Variants in CNTNAP2 observed in about 807,000 individuals in gnomAD.
The protein encoded by CNTNAP2 is contactin-associated protein-like 2.
In CNTNAP2, 98 loss-of-function variants were observed where a neutral mutation model predicts 155.2. The observed-to-expected ratio is 0.63, with a 90% CI of 0.54 to 0.75. The LOEUF is 0.75. Ranked by LOEUF, CNTNAP2 falls within the 30% of genes least tolerant of loss-of-function variation. The pLI is 0.00. For synonymous variants in CNTNAP2, 651 were observed against 631.2 expected (o/e 1.03, Z -0.47); for missense variants, 1,727 against 1,688.1 (o/e 1.02, Z -0.40).
intron 9 of CNTNAP2, among the ~76,000 whole-genome samples, chr7:147,317,333 A>T (rs1372575732): frequency 6.6e-6 from 1 of 152,068 alleles, no homozygotes; most frequent in Non-Finnish European, 1.5e-5. Flanking sequence ...TTCTCTTGTG[A>T]TTGCAATACT....
At chr7:146,818,845 A>C (rs1803223462) in intron 2 of CNTNAP2, among the ~76,000 whole-genome samples, 1 of 152,144 alleles carries the variant, frequency 6.6e-6, no homozygotes, top group South Asian at 2.1e-4. Flanking sequence ...TATTCAGTTA[A>C]TAATTTTATT....
chr7:146,623,019 T>C (rs1395768102), intron 1 of CNTNAP2, among the ~76,000 whole-genome samples: 1 of 151,604 alleles, frequency 6.6e-6, no homozygotes, highest in East Asian at 1.9e-4. Flanking sequence ...TTGCCATCAA[T>C]TTAATTACTT....
intron 14 of CNTNAP2, among the ~76,000 whole-genome samples, chr7:147,936,756 C>G (rs955023002): frequency 4.6e-5 from 7 of 152,260 alleles, no homozygotes; most frequent in African/African-American, 1.7e-4. Context: ...ATTAAGCATG[C>G]TTGACACTCA....
At chr7:147,247,872 C>T (rs985670324) in intron 8 of CNTNAP2, among the ~76,000 whole-genome samples, 25 of 151,470 alleles carry the variant, frequency 1.7e-4, no homozygotes, top group African/African-American at 5.3e-4. Context: ...ATTGAGGGCA[C>T]GTTTTATGCT....
chr7:147,867,930 C>G (rs1799261508), intron 13 of CNTNAP2, among the ~76,000 whole-genome samples: 1 of 152,090 alleles, frequency 6.6e-6, no homozygotes, highest in Non-Finnish European at 1.5e-5. Context: ...TATTATCAAC[C>G]TTCTGAAGCC....
intron 4 of CNTNAP2, among the ~76,000 whole-genome samples, chr7:147,092,743 G>T (rs1021554707): frequency 1.3e-5 from 2 of 152,174 alleles, no homozygotes; most frequent in Non-Finnish European, 2.9e-5. Flanking sequence ...AGGAATCTCA[G>T]ATTCTACATA....
intron 1 of CNTNAP2, among the ~76,000 whole-genome samples, chr7:146,465,050 T>C (rs1412438538): frequency 2.0e-5 from 3 of 152,006 alleles, no homozygotes; most frequent in Non-Finnish European, 2.9e-5. Context: ...GATTGGAGCT[T>C]TTCAGAAAGA....
intron 1 of CNTNAP2, among the ~76,000 whole-genome samples, chr7:146,187,207 CTGG>C (rs1163431942): frequency 6.6e-6 from 1 of 152,144 alleles, no homozygotes; most frequent in African/African-American, 2.4e-5. Flanking sequence ...CCACCCAACT[CTGG>C]TAAATGTGAG....
intron 15 of CNTNAP2, among the ~76,000 whole-genome samples, chr7:148,067,552 T>C (rs1192836564): frequency 1.3e-5 from 2 of 152,192 alleles, no homozygotes; most frequent in Non-Finnish European, 2.9e-5. Context: ...TAGTTTTGTT[T>C]AGTGCATGGG....
chr7:146,697,004 A>G (rs1294085065), intron 1 of CNTNAP2, among the ~76,000 whole-genome samples: 2 of 152,176 alleles, frequency 1.3e-5, no homozygotes, highest in Non-Finnish European at 2.9e-5. Context: ...TGGTGTAATT[A>G]AAACCAGTTA....
chr7:146,590,868 A>C (rs1371143347), intron 1 of CNTNAP2, among the ~76,000 whole-genome samples: 1 of 152,180 alleles, frequency 6.6e-6, no homozygotes, highest in Non-Finnish European at 1.5e-5. Flanking sequence ...TATTCTGGTG[A>C]TGCTACTGTG....
intron 14 of CNTNAP2, among the ~76,000 whole-genome samples, chr7:147,915,891 A>G (rs1363035553): frequency 6.6e-6 from 1 of 152,148 alleles, no homozygotes; most frequent in Non-Finnish European, 1.5e-5. Flanking sequence ...TACTCCTTAT[A>G]CTGACTCCAC....
intron 15 of CNTNAP2, among the ~76,000 whole-genome samples, chr7:148,097,499 G>T (rs1256261490): frequency 6.6e-6 from 1 of 151,830 alleles, no homozygotes; most frequent in East Asian, 1.9e-4. Context: ...TTTTGGGGGG[G>T]CGGGGCACGG....
chr7:147,886,799 GAA>G (rs2116724841), intron 13 of CNTNAP2, among the ~76,000 whole-genome samples: 1 of 152,158 alleles, frequency 6.6e-6, no homozygotes, highest in East Asian at 1.9e-4. Flanking sequence ...AAATTAAACT[GAA>G]AAAGTGTTCA....
chr7:147,271,314 T>C (rs933401464), intron 8 of CNTNAP2, among the ~76,000 whole-genome samples: 5 of 152,166 alleles, frequency 3.3e-5, no homozygotes, highest in Non-Finnish European at 7.3e-5. Flanking sequence ...ATTAAATAAA[T>C]TCAAGCAACC....
intron 1 of CNTNAP2, among the ~76,000 whole-genome samples, chr7:146,613,684 T>C (rs1054053685): frequency 2.0e-5 from 3 of 152,208 alleles, no homozygotes; most frequent in African/African-American, 4.8e-5. Context: ...GTGTGAAGTG[T>C]ATTTTATACT....
At chr7:147,954,859 C>A (rs2246970) in intron 14 of CNTNAP2, among the ~76,000 whole-genome samples, 85,165 of 151,962 alleles carry the variant, frequency 0.56, 24,371 homozygotes, top group Middle Eastern at 0.77. Flanking sequence ...TAAAAGTGTA[C>A]AATAGTATAA....
At chr7:148,258,624 C>G (rs1442440562) in intron 20 of CNTNAP2, among the ~76,000 whole-genome samples, 1 of 152,166 alleles carries the variant, frequency 6.6e-6, no homozygotes, top group Non-Finnish European at 1.5e-5. Context: ...CGGGTAGACA[C>G]AGATAAGGGG....
At chr7:146,409,358 C>CA (rs946693633) in intron 1 of CNTNAP2, among the ~76,000 whole-genome samples, 35 of 152,028 alleles carry the variant, frequency 2.3e-4, no homozygotes, top group Non-Finnish European at 3.8e-4. Context: ...AAAAAGAAAA[C>CA]AAATTTTAAA....
Sources: gnomAD v4.1 joint callset for allele counts (sites outside exome capture counted in the v4.1 genomes callset) on GRCh38, gnomAD v4.1.1 for gene constraint, MANE v1.5 for transcripts, NCBI Gene and HGNC (gene_info 2026-07-23, HGNC 2026-07-21) for gene names.